SYTL3: variants seen among roughly 807,000 people sequenced by gnomAD.
SYTL3 encodes the protein synaptotagmin-like protein 3.
Under a neutral mutation model 82.1 loss-of-function variants are expected in SYTL3, and 88 were observed. The observed-to-expected ratio is 1.07, with a 90% confidence interval of 0.90 to 1.28. The LOEUF (loss-of-function observed/expected upper bound fraction) is 1.28. Ranked by LOEUF, SYTL3 falls within the 50% of genes most tolerant of loss-of-function variation. The probability of loss-of-function intolerance (pLI) is 0.00; values close to 1 mark genes in which losing one functional copy is unlikely to be tolerated. For synonymous variants in SYTL3, 311 were observed against 289.4 expected (o/e 1.07, Z -0.76); for missense variants, 831 against 757.6 (o/e 1.10, Z -1.14).
chr6:158,703,488 T>A (rs1384642417), intron 6 of SYTL3, among the ~76,000 whole-genome samples: 1 of 152,180 alleles, frequency 6.6e-6, no homozygotes, highest in Non-Finnish European at 1.5e-5. Flanking sequence ...GAGGTCAAAA[T>A]TCAGGGCTCT....
intron 11 of SYTL3, among the ~76,000 whole-genome samples, chr6:158,731,116 C>T (rs1320242317): frequency 6.6e-6 from 1 of 152,024 alleles, no homozygotes; most frequent in Non-Finnish European, 1.5e-5. Flanking sequence ...AACCATGTCT[C>T]TACTAAAAAT....
chr6:158,671,046 C>T (rs531687689), intron 5 of SYTL3, among the ~76,000 whole-genome samples: 6 of 152,022 alleles, frequency 3.9e-5, no homozygotes, highest in Non-Finnish European at 8.8e-5. Context: ...TCTAGTGTTC[C>T]GCCCGCCTCA....
intron 6 of SYTL3, among the ~76,000 whole-genome samples, chr6:158,694,295 C>CTT (rs968405747): frequency 2.7e-5 from 4 of 148,478 alleles, no homozygotes; most frequent in African/African-American, 9.9e-5. Flanking sequence ...TGATTTTATT[C>CTT]TTTTTTTTTT....
At chr6:158,708,142 T>G (rs1046286966) in intron 7 of SYTL3, among the ~76,000 whole-genome samples, 180 bp from the exon 8 acceptor site, 1 of 152,146 alleles carries the variant, frequency 6.6e-6, no homozygotes, top group African/African-American at 2.4e-5. Flanking sequence ...CAGGAAATCA[T>G]GCCCCTCGTA....
chr6:158,709,805 A>T (rs1782560795), intron 8 of SYTL3, among the ~76,000 whole-genome samples: 1 of 152,214 alleles, frequency 6.6e-6, no homozygotes. Flanking sequence ...TAAAAAATTT[A>T]AAGGGGATTT....
In SYTL3 at chr6:158,726,128, A is replaced by G. The variant is rs866274717; in HGVS notation, c.855+491A>G. On this transcript the variant is annotated intron_variant, in intron 11 of 17. Coordinates refer to ENST00000611299, the MANE Select transcript of SYTL3 (RefSeq NM_001242394.2). ...TATCAAAAATTGAATAGTCAGTTGAAGATGTTTTCTGTCACTTCCTCCCTT... is the reference window on the plus strand; with the variant it reads ...TATCAAAAATTGAATAGTCAGTTGAGGATGTTTTCTGTCACTTCCTCCCTT... The G allele has an allele frequency of 9.5e-5, 40 of 421,732 alleles. 3 individuals are homozygous for G. In the Middle Eastern group the frequency reaches 8.7e-3, roughly 92 times the overall value. The allele number at this position is 421,732 out of a possible 1,614,324, so 26.1% of individuals were successfully genotyped here.
chr6:158,695,987 C>T (rs1236377995), intron 6 of SYTL3, among the ~76,000 whole-genome samples: 2 of 152,194 alleles, frequency 1.3e-5, no homozygotes, highest in African/African-American at 4.8e-5. Flanking sequence ...CTGCTGGGAA[C>T]ATTGGTGTAC....
At chr6:158,764,401 A>G in intron 17 of SYTL3, 94 bp from the exon 18 acceptor site, 4 of 949,278 alleles carry the variant, frequency 4.2e-6, no homozygotes, top group Non-Finnish European at 6.5e-6. Context: ...ACTTGAGGTG[A>G]AAAACTTCTG....
At chr6:158,680,585 A>AAAAC (rs1199368793) in intron 5 of SYTL3, among the ~76,000 whole-genome samples, 10 of 151,314 alleles carry the variant, frequency 6.6e-5, no homozygotes, top group Non-Finnish European at 8.8e-5. Context: ...CAAAAAAAAA[A>AAAAC]AAAAAAAAAC....
chr6:158,673,722 G>A (rs1227581113), intron 5 of SYTL3, among the ~76,000 whole-genome samples: 1 of 151,154 alleles, frequency 6.6e-6, no homozygotes, highest in Non-Finnish European at 1.5e-5. Context: ...AAAGGTGTGA[G>A]CCACCACGCC....
chr6:158,702,184 G>A (rs1200756581), intron 6 of SYTL3, among the ~76,000 whole-genome samples: 1 of 151,796 alleles, frequency 6.6e-6, no homozygotes, highest in African/African-American at 2.4e-5. Flanking sequence ...AAATTAGCTG[G>A]GTCTGGTAAC....
chr6:158,753,979 C>T (rs148666383), intron 13 of SYTL3, among the ~76,000 whole-genome samples: 51 of 152,030 alleles, frequency 3.4e-4, no homozygotes, highest in African/African-American at 8.7e-4. Flanking sequence ...GCATAAGATG[C>T]GAAGGATGGG....
rs774237974 is a variant in SYTL3, at chr6:158,665,410, C to G, written c.126C>G (p.His42Gln). Residue 42 changes from histidine (H) to glutamine (Q), a missense_variant, in exon 5 of 18, where the codon CAC (histidine) becomes CAG (glutamine). Coordinates refer to ENST00000611299, the MANE Select transcript of SYTL3 (RefSeq NM_001242394.2). ...AGGGCTGCAGGAAACTGAAAACACACCTGCAGCATCTCCGGTGGAAAGGAG... is the reference window on the plus strand; with the variant it reads ...AGGGCTGCAGGAAACTGAAAACACAGCTGCAGCATCTCCGGTGGAAAGGAG... Reference protein sequence around the residue: ...EEERTRKLKTHLQHLRWKGAK... With the variant: ...EEERTRKLKTQLQHLRWKGAK... The G allele has an allele frequency of 1.9e-5, 31 of 1,596,184 alleles. No individual in the cohort carries two copies. Among genetic ancestry groups the G allele is most frequent in the Non-Finnish European group, 2.5e-5 (29 of 1,171,266 alleles).
chr6:158,743,242 A>T (rs1260211124), intron 11 of SYTL3, among the ~76,000 whole-genome samples: 1 of 152,216 alleles, frequency 6.6e-6, no homozygotes, highest in Non-Finnish European at 1.5e-5. Context: ...ACAGGGACTT[A>T]TGCCTTGAAG....
intron 6 of SYTL3, 147 bp downstream of exon 6, chr6:158,683,136 C>T (rs1195100219): frequency 5.1e-6 from 3 of 587,522 alleles, no homozygotes; most frequent in African/African-American, 3.8e-5. Flanking sequence ...GATGCTCTCA[C>T]TGTAATTCAC....
chr6:158,702,318 C>T (rs1781399750), intron 6 of SYTL3, among the ~76,000 whole-genome samples: 1 of 140,872 alleles, frequency 7.1e-6, no homozygotes, highest in South Asian at 2.2e-4. Flanking sequence ...AAGAGTGAGA[C>T]TCTGTCTCAA....
intron 10 of SYTL3, among the ~76,000 whole-genome samples, chr6:158,723,813 C>T (rs1427462277): frequency 1.3e-5 from 2 of 152,256 alleles, no homozygotes; most frequent in Non-Finnish European, 2.9e-5. Context: ...GCTTTTCCAG[C>T]CTCTGGCTCC....
intron 14 of SYTL3, among the ~76,000 whole-genome samples, chr6:158,757,590 G>A (rs986746298): frequency 2.2e-5 from 3 of 133,392 alleles, no homozygotes; most frequent in African/African-American, 5.5e-5. Context: ...GCTCTGTTCA[G>A]GTACCCGAAC....
At chr6:158,699,913 C>G (rs1363947819) in intron 6 of SYTL3, among the ~76,000 whole-genome samples, 5 of 151,568 alleles carry the variant, frequency 3.3e-5, no homozygotes, top group Non-Finnish European at 7.4e-5. Context: ...GGCCACTGCA[C>G]TCCAGCCTGG....
Sources: allele counts gnomAD v4.1 joint callset (sites outside exome capture counted in the v4.1 genomes callset), GRCh38; gene constraint gnomAD v4.1.1; transcripts MANE v1.5; gene names NCBI Gene and HGNC (gene_info 2026-07-23, HGNC 2026-07-21).